The following AGO3 variants were observed in gnomAD, a reference collection of about 807,000 sequenced individuals.
The protein encoded by AGO3 is argonaute RISC catalytic component 3.
In AGO3, 16 loss-of-function variants were observed where a neutral mutation model predicts 105.5. The observed-to-expected ratio is 0.15, with a 90% CI of 0.10 to 0.23. The LOEUF (loss-of-function observed/expected upper bound fraction) is 0.23, where lower values mean the gene tolerates loss of function less well. Ranked by LOEUF, AGO3 falls within the 10% of genes least tolerant of loss-of-function variation. AGO3 has a pLI of 1.00. For missense variants in AGO3, 534 were observed against 1,088.0 expected (o/e 0.49, Z 7.16); for synonymous variants, 340 against 367.3 (o/e 0.93, Z 0.85).
rs192513079 is a variant in AGO3, at chr1:35,937,288, C to T, written c.19+5843C>T. ...CATAGTGGCGGGTGCCTGTAATACC[C>T]GCTACTCGGGAGGCTGAGGCAGGAG... is the stretch of plus-strand genomic sequence containing the variant. On this transcript the variant is annotated intron_variant, in intron 1 of 18. Transcript: ENST00000373191. Among the ~76,000 whole-genome samples, 666 of 151,528 alleles carry T rather than the reference C, an allele frequency of 4.4e-3. 2 individuals are homozygous for T. The highest frequency in any genetic ancestry group is 6.6e-3 in the Admixed American group (100 of 15,212).
In AGO3 at chr1:36,057,586, C is replaced by A. The variant is rs1190375387; in HGVS notation, c.*1841C>A. 2.0e-5 allele frequency: 3 copies of A among 152,150 alleles called. No individual in the cohort carries two copies. The highest frequency in any genetic ancestry group is 7.2e-5 in the African/African-American group (3 of 41,428). The allele number at this position is 152,150 out of a possible 1,614,324, so 9.4% of individuals were successfully genotyped here. A position where few individuals can be genotyped will look rare whatever the true frequency, so the allele number is the denominator to read the frequency against. The stretch of plus-strand genomic sequence containing the variant: ...TCTTTACCATGGATAGTAGGAGGAA[C>A]AGGCACCTCCATAGTTTAAAAGGGC... On this transcript the variant is annotated 3_prime_UTR_variant, in exon 19 of 19. Coordinates refer to ENST00000373191, the MANE Select transcript of AGO3 (RefSeq NM_024852.4).
chr1:36,033,642 C>CA (rs10717828), intron 12 of AGO3, among the ~76,000 whole-genome samples: 13 of 131,560 alleles, frequency 9.9e-5, no homozygotes, highest in South Asian at 2.4e-4. Context: ...GAGATCCTCT[C>CA]AAAAAAAAAA....
At chr1:36,054,836 C>T (rs1174250496) in intron 17 of AGO3, 110 bp from the exon 18 acceptor site, 1 of 1,000,726 alleles carries the variant, frequency 1.0e-6, no homozygotes, top group African/African-American at 1.6e-5. Context: ...GATCTGAGAT[C>T]ACGCCATTGC....
In AGO3 at chr1:35,966,158, A is replaced by G. The variant is rs1332896001; in HGVS notation, c.192-797A>G. ...TTTAAATTAGTTTTAGATTATATCA[A>G]TACTATGTGAGTACATTCTCATTGT... On this transcript the variant is annotated intron_variant, in intron 2 of 18. Transcript: ENST00000373191. 4.6e-5 allele frequency among the ~76,000 whole-genome samples: 7 copies of G among 152,302 alleles called. No homozygotes were observed. The South Asian group carries it at 6.2e-4, about 14-fold the overall frequency.
chr1:35,992,374 A>G (rs1647751957), intron 5 of AGO3: 1 of 152,142 alleles, frequency 6.6e-6, no homozygotes, highest in Admixed American at 6.5e-5. Flanking sequence ...ATAGGACTCT[A>G]CCTGCTTCTC....
At chr1:36,022,049 C>CG (rs1242854407) in intron 11 of AGO3, among the ~76,000 whole-genome samples, 1 of 142,694 alleles carries the variant, frequency 7.0e-6, no homozygotes, top group Non-Finnish European at 1.5e-5. Flanking sequence ...TTGGATGAAA[C>CG]TAAGTTGGGG....
At chr1:36,025,026 A>G (rs1641437417) in intron 11 of AGO3, among the ~76,000 whole-genome samples, 1 of 152,172 alleles carries the variant, frequency 6.6e-6, no homozygotes, top group African/African-American at 2.4e-5. Context: ...ATTGTATTAT[A>G]ATGATTTTGT....
In AGO3 at chr1:35,952,146, TTC is replaced by T. The variant is rs201344733; in HGVS notation, c.191+6285_191+6286del. Among the ~76,000 whole-genome samples, 210 of 89,164 alleles carry T rather than the reference TTC, an allele frequency of 2.4e-3. No individual in the cohort carries two copies. The East Asian group carries it at 0.049, about 21-fold the overall frequency. 58.5% of individuals were successfully genotyped at this position (89,164 alleles called of 152,430 possible). A position where few individuals can be genotyped will look rare whatever the true frequency, so the allele number is the denominator to read the frequency against. Reference sequence around the variant, plus strand: ...TTTCTTTCTTTCTTTCTTTCTTTCTTTCTTTTTTTTTTTTTTTTTTGACAGAG... The same window carrying T: ...TTTCTTTCTTTCTTTCTTTCTTTCTTTTTTTTTTTTTTTTTTTTGACAGAG... On this transcript the variant is annotated intron_variant, in intron 2 of 18. Coordinates refer to ENST00000373191, the MANE Select transcript of AGO3 (RefSeq NM_024852.4).
At chr1:35,935,840 ATTATC>A (rs1414242940) in intron 1 of AGO3, among the ~76,000 whole-genome samples, 3 of 152,366 alleles carry the variant, frequency 2.0e-5, no homozygotes, top group Middle Eastern at 3.4e-3. Context: ...AACAAAACAT[ATTATC>A]TTATAGTACT....
intron 8 of AGO3, 122 bp from the exon 9 acceptor site, chr1:36,009,353 T>TA: frequency 8.8e-7 from 1 of 1,136,786 alleles, no homozygotes; most frequent in Non-Finnish European, 1.2e-6. Context: ...TTACTTAACA[T>TA]ATTGAAAATA....
chr1:35,931,578 C>A, intron 1 of AGO3, 133 bp downstream of exon 1: 1 of 1,019,092 alleles, frequency 9.8e-7, no homozygotes, highest in Non-Finnish European at 1.3e-6. Context: ...CCGCCCCTCG[C>A]CCTGCTCCTC....
At chr1:35,975,921 C>CTTT (rs886845031) in intron 5 of AGO3, among the ~76,000 whole-genome samples, 5 of 145,386 alleles carry the variant, frequency 3.4e-5, no homozygotes, top group Non-Finnish European at 7.6e-5. Context: ...TTGCACATTT[C>CTTT]TTTTTTTTTT....
rs1643041693 is a variant in AGO3 at position 36,062,794 on chromosome 1, T to C, written c.*7049T>C. Reference sequence around the variant, plus strand: ...AAAAAATACCACACCTCAGTAACCTTGTATGCTGCATTATATAATAATGAT... The same window carrying C: ...AAAAAATACCACACCTCAGTAACCTCGTATGCTGCATTATATAATAATGAT... On this transcript the variant is annotated 3_prime_UTR_variant, in exon 19 of 19. Transcript: ENST00000373191. The C allele has an allele frequency of 6.6e-6, 1 of 152,184 alleles. No homozygotes were observed. Among genetic ancestry groups the C allele is most frequent in the South Asian group, 2.1e-4 (1 of 4,832 alleles). The allele number at this position is 152,184 out of a possible 1,614,324, so 9.4% of individuals were successfully genotyped here.
At chr1:35,949,240 G>A (rs1166856645) in intron 2 of AGO3, among the ~76,000 whole-genome samples, 1 of 152,176 alleles carries the variant, frequency 6.6e-6, no homozygotes, top group East Asian at 1.9e-4. Flanking sequence ...ACCGCACCCG[G>A]CCCAAGTTTT....
intron 3 of AGO3, among the ~76,000 whole-genome samples, chr1:35,968,855 C>T (rs10908288): frequency 0.088 from 13,299 of 151,656 alleles, 2,012 homozygotes; most frequent in East Asian, 0.67. Flanking sequence ...CAACAGTGAA[C>T]AAGAGTTCCA....
intron 5 of AGO3, among the ~76,000 whole-genome samples, chr1:36,002,581 C>T (rs1188942349): frequency 1.3e-5 from 2 of 152,112 alleles, no homozygotes; most frequent in African/African-American, 2.4e-5. Context: ...GTCCACCCGC[C>T]TCGGCCTCCC....
intron 5 of AGO3, among the ~76,000 whole-genome samples, chr1:35,985,222 C>T (rs533861782): frequency 6.6e-6 from 1 of 152,248 alleles, no homozygotes; most frequent in African/African-American, 2.4e-5. Context: ...GTCGAGGCTG[C>T]AGTGAACTGT....
intron 1 of AGO3, among the ~76,000 whole-genome samples, chr1:35,939,763 A>G (rs939300396): frequency 2.0e-5 from 3 of 152,154 alleles, no homozygotes; most frequent in Admixed American, 2.0e-4. Context: ...ATTTTACTAT[A>G]GAGAATTTAG....
chr1:36,035,747 G>A (rs1216020788), intron 13 of AGO3, among the ~76,000 whole-genome samples: 1 of 152,024 alleles, frequency 6.6e-6, no homozygotes, highest in Admixed American at 6.6e-5. Flanking sequence ...TAAAACTTTG[G>A]ATTGGCCGGG....
Sources: gnomAD v4.1 joint callset for allele counts (sites outside exome capture counted in the v4.1 genomes callset) on GRCh38, gnomAD v4.1.1 for gene constraint, MANE v1.5 for transcripts, NCBI Gene and HGNC (gene_info 2026-07-23, HGNC 2026-07-21) for gene names.